The following BCL9 variants were observed in gnomAD, a reference collection of about 807,000 sequenced individuals.
BCL9 encodes the protein BCL9 transcription coactivator.
A neutral mutation model predicts 88.5 loss-of-function variants in BCL9; 25 were observed. The observed-to-expected ratio is 0.28, with a 90% CI of 0.21 to 0.39. BCL9 has a LOEUF of 0.39. Among genes scored for constraint, BCL9 ranks in the 10% least tolerant of loss-of-function variants. The pLI is 1.00. For missense variants in BCL9, 1,817 were observed against 1,877.8 expected, an observed-to-expected ratio of 0.97 and a Z score of 0.60; for synonymous variants, 711 against 673.3, an observed-to-expected ratio of 1.06 and a Z score of -0.87.
chr1:147,573,064 G>T (rs17160448), intron 1 of BCL9, among the ~76,000 whole-genome samples: 6,829 of 152,328 alleles, frequency 0.045, 199 homozygotes, highest in East Asian at 0.055. Context: ...CCTTGTCAGG[G>T]TGTTTTGTAT....
At chr1:147,608,802 T>C (rs989751241) in intron 3 of BCL9, among the ~76,000 whole-genome samples, 1 of 152,170 alleles carries the variant, frequency 6.6e-6, no homozygotes, top group Non-Finnish European at 1.5e-5. Flanking sequence ...TTATATGAAC[T>C]AGCTCACCTT....
chr1:147,554,856 G>A (rs587769712), intron 1 of BCL9, among the ~76,000 whole-genome samples: 17 of 152,280 alleles, frequency 1.1e-4, no homozygotes, highest in African/African-American at 4.1e-4. Context: ...GTTGAGTATT[G>A]GTTGTTGAGA....
intron 3 of BCL9, among the ~76,000 whole-genome samples, chr1:147,608,330 C>CTTTT (rs35324998): frequency 0.53 from 53,907 of 100,980 alleles, 16,784 homozygotes; most frequent in Non-Finnish European, 0.63. Flanking sequence ...TTTTGTTTTG[C>CTTTT]TTTTTTTTTT....
intron 3 of BCL9, among the ~76,000 whole-genome samples, chr1:147,608,857 C>T (rs1657862904): frequency 6.6e-6 from 1 of 152,200 alleles, no homozygotes; most frequent in Non-Finnish European, 1.5e-5. Context: ...TGATGAAGAG[C>T]ATAGACTTTG....
intron 1 of BCL9, among the ~76,000 whole-genome samples, chr1:147,590,882 C>T (rs782421658): frequency 1.1e-4 from 17 of 152,160 alleles, no homozygotes; most frequent in Non-Finnish European, 1.8e-4. Flanking sequence ...CTATCTACTA[C>T]GCCTATCATA....
intron 2 of BCL9, among the ~76,000 whole-genome samples, chr1:147,606,091 A>G (rs587662406): frequency 2.5e-4 from 38 of 152,274 alleles, no homozygotes; most frequent in African/African-American, 8.7e-4. Context: ...CAAAACTATA[A>G]ATTCTGGGCA....
Position 147,619,269 on chromosome 1 carries a change from A to T in BCL9, c.1114A>T (p.Met372Leu), listed in dbSNP as rs782204122. Residue 372 changes from methionine to leucine, a missense_variant, in exon 8 of 10, where the codon ATG (methionine) becomes TTG (leucine). Transcript: ENST00000234739. This position sits in a 1 kb window ranked among gnomAD's most constrained non-coding sequence, Gnocchi z 4.1. ...ACAAACTCTCAGAGATATCCAGCGC[A>T]TGCTTTTTCCTGATGAGAAAGAATT... is the stretch of plus-strand genomic sequence containing the variant. Reference protein sequence around the residue: ...SLQTLRDIQRMLFPDEKEFTG... With the variant: ...SLQTLRDIQRLLFPDEKEFTG... The T allele has an allele frequency of 1.2e-6, 2 of 1,614,144 alleles. No homozygotes were observed. The highest frequency in any genetic ancestry group is 1.7e-6 in the Non-Finnish European group (2 of 1,180,028).
intron 6 of BCL9, among the ~76,000 whole-genome samples, chr1:147,615,136 TG>T (rs1288574344): frequency 6.6e-6 from 1 of 152,146 alleles, no homozygotes; most frequent in Non-Finnish European, 1.5e-5. Flanking sequence ...CCACCGCGCC[TG>T]GCCATATATA....
intron 1 of BCL9, among the ~76,000 whole-genome samples, chr1:147,567,282 CAAGTGAAATTTTTCAG>C (rs1426081692): frequency 6.6e-6 from 1 of 152,090 alleles, no homozygotes; most frequent in East Asian, 1.9e-4. Context: ...TTGAAGAAAT[CAAGTGAAATTTTTCAG>C]AAGAGAATTT....
In BCL9 at chr1:147,625,335, T is replaced by C; in HGVS notation, c.*376T>C. 2 of 265,838 alleles carry C rather than the reference T, an allele frequency of 7.5e-6. No individual in the cohort carries two copies. Among genetic ancestry groups the C allele is most frequent in the South Asian group, 2.1e-4 (2 of 9,362 alleles). The allele number at this position is 265,838 out of a possible 1,614,324, so 16.5% of individuals were successfully genotyped here. A position where few individuals can be genotyped will look rare whatever the true frequency, so the allele number is the denominator to read the frequency against. On this transcript the variant is annotated 3_prime_UTR_variant, in exon 10 of 10. Coordinates refer to ENST00000234739, the MANE Select transcript of BCL9 (RefSeq NM_004326.4). ...TTCTCCCAGGATTCTTTTCTGTTTT[T>C]GTTTTTTTGATTTGGGCTTTATTTT...
intron 1 of BCL9, among the ~76,000 whole-genome samples, chr1:147,551,364 TA>T (rs1179544886): frequency 3.3e-5 from 5 of 152,292 alleles, no homozygotes; most frequent in African/African-American, 1.2e-4. Flanking sequence ...TTAAGGGCAG[TA>T]CTTCTTCAGT....
chr1:147,609,634 C>T (rs587735576), intron 3 of BCL9, among the ~76,000 whole-genome samples: 2 of 152,360 alleles, frequency 1.3e-5, no homozygotes, highest in South Asian at 4.1e-4. Context: ...ATGTTCACAG[C>T]ATTATTATTA....
chr1:147,625,301 T>C lies in BCL9; in HGVS notation c.*342T>C, dbSNP rs1570929212. On this transcript the variant is annotated 3_prime_UTR_variant, in exon 10 of 10. Coordinates refer to ENST00000234739, the MANE Select transcript of BCL9 (RefSeq NM_004326.4). ...CCGTTCTCTGTATGTTTACGTCCTT[T>C]GGACTGGCTTCTCCCAGGATTCTTT... is the stretch of plus-strand genomic sequence containing the variant. The C allele has an allele frequency of 1.0e-5, 3 of 285,988 alleles. No individual in the cohort carries two copies. Among genetic ancestry groups the C allele is most frequent in the East Asian group, 1.0e-4 (2 of 19,102 alleles). 17.7% of individuals were successfully genotyped at this position (285,988 alleles called of 1,614,324 possible).
intron 1 of BCL9, among the ~76,000 whole-genome samples, chr1:147,583,767 A>G (rs587657540): frequency 5.3e-5 from 8 of 151,076 alleles, no homozygotes; most frequent in Admixed American, 2.0e-4. Context: ...AGCCTGGTCA[A>G]CATGGCAAAA....
At chr1:147,574,164 C>G (rs1411257610) in intron 1 of BCL9, among the ~76,000 whole-genome samples, 1 of 152,190 alleles carries the variant, frequency 6.6e-6, no homozygotes, top group Non-Finnish European at 1.5e-5. Context: ...AAACCCATCA[C>G]TCTATCCTGT....
chr1:147,561,184 G>A (rs1441114106), intron 1 of BCL9, among the ~76,000 whole-genome samples: 1 of 152,206 alleles, frequency 6.6e-6, no homozygotes, highest in Non-Finnish European at 1.5e-5. Flanking sequence ...GAAATTAGCT[G>A]AAACTTTTAT....
intron 1 of BCL9, among the ~76,000 whole-genome samples, chr1:147,559,850 C>A (rs1553195859): frequency 6.6e-6 from 1 of 152,164 alleles, no homozygotes; most frequent in Non-Finnish European, 1.5e-5. Context: ...AAAGAAGATT[C>A]TTTTCTGGGC....
intron 1 of BCL9, among the ~76,000 whole-genome samples, chr1:147,594,298 A>G (rs1656961062): frequency 6.6e-6 from 1 of 152,228 alleles, no homozygotes; most frequent in Non-Finnish European, 1.5e-5. Flanking sequence ...AAATTGATTT[A>G]AGGAGGAATT....
Position 147,608,946 on chromosome 1 carries a change from T to G in BCL9, c.-260+2080T>G, listed in dbSNP as rs376393939. Reference sequence around the variant, plus strand: ...TGAGCTTGGTCAAGTTACTTAACATTGCAGAGCCCGTTTTCCCATCTCTAA... The same window carrying G: ...TGAGCTTGGTCAAGTTACTTAACATGGCAGAGCCCGTTTTCCCATCTCTAA... On this transcript the variant is annotated intron_variant, in intron 3 of 9. Coordinates refer to ENST00000234739, the MANE Select transcript of BCL9 (RefSeq NM_004326.4). Among the ~76,000 whole-genome samples, 11 of 152,340 alleles carry G rather than the reference T, an allele frequency of 7.2e-5. No homozygotes were observed. The East Asian group carries it at 2.1e-3, about 29-fold the overall frequency.
Sources: gnomAD v4.1 joint callset for allele counts (sites outside exome capture counted in the v4.1 genomes callset) on GRCh38, gnomAD v4.1.1 for gene constraint, Gnocchi (gnomAD v3.1) non-coding constraint, MANE v1.5 for transcripts, NCBI Gene and HGNC (gene_info 2026-07-23, HGNC 2026-07-21) for gene names.